SFI1: variants seen among roughly 807,000 people sequenced by gnomAD.
SFI1 encodes the protein protein SFI1 homolog.
A neutral mutation model predicts 207.5 loss-of-function variants in SFI1; 195 were observed. The ratio of observed to expected loss-of-function variants is 0.94; its 90% CI spans 0.84 to 1.06. SFI1 has a LOEUF of 1.06. SFI1 is among the 50% of genes least tolerant of loss of function. The probability of loss-of-function intolerance (pLI) is 0.00; values close to 1 mark genes in which losing one functional copy is unlikely to be tolerated. For missense variants in SFI1, 1,634 were observed against 1,588.0 expected (o/e 1.03, Z -0.49); for synonymous variants, 630 against 598.9 (o/e 1.05, Z -0.76).
At chr22:31,578,328 C>T (rs2146011662) in intron 10 of SFI1, 54 bp from the exon 11 acceptor site, 4 of 1,524,070 alleles carry the variant, frequency 2.6e-6, no homozygotes, top group East Asian at 2.3e-5. Flanking sequence ...GCTGAGAATG[C>T]ACTGTGTAGG....
At chr22:31,608,132 A>T (rs998889424) in intron 22 of SFI1, 99 bp downstream of exon 22, 3 of 873,532 alleles carry the variant, frequency 3.4e-6, no homozygotes, top group Non-Finnish European at 3.6e-6. Context: ...CTCCTCATAC[A>T]TGCCAGTTCC....
At chr22:31,595,186 C>T (rs1255149761) in intron 15 of SFI1, among the ~76,000 whole-genome samples, 6 of 151,600 alleles carry the variant, frequency 4.0e-5, no homozygotes, top group East Asian at 1.9e-4. Flanking sequence ...TTAGTAGGGA[C>T]GGGGTTTCAC....
chr22:31,520,603 A>G (rs2057109094), intron 2 of SFI1, among the ~76,000 whole-genome samples: 1 of 152,058 alleles, frequency 6.6e-6, no homozygotes, highest in Non-Finnish European at 1.5e-5. Flanking sequence ...CCAGAGGGAA[A>G]GTAATATATG....
chr22:31,578,288 C>A, intron 10 of SFI1, 94 bp from the exon 11 acceptor site: 1 of 1,248,064 alleles, frequency 8.0e-7, no homozygotes, highest in Non-Finnish European at 1.1e-6. Context: ...GTGTGTTATC[C>A]CCGATAGCCA....
At chr22:31,530,400 G>T (rs11705049) in intron 3 of SFI1, among the ~76,000 whole-genome samples, 1 of 144,376 alleles carries the variant, frequency 6.9e-6, no homozygotes, top group Non-Finnish European at 1.5e-5. Context: ...TGAGGCAGGA[G>T]AATGGTGTGA....
intron 1 of SFI1, among the ~76,000 whole-genome samples, chr22:31,502,969 C>T (rs2054036320): frequency 6.8e-6 from 1 of 147,736 alleles, no homozygotes; most frequent in African/African-American, 2.5e-5. Flanking sequence ...ACAGAAGAAT[C>T]GCTTGAACCC....
In SFI1 at chr22:31,509,951, C is replaced by T. The variant is rs565266463; in HGVS notation, c.92+1575C>T. Among the ~76,000 whole-genome samples the T allele has an allele frequency of 1.1e-3, 167 of 151,978 alleles. 1 individual carries two copies. Among genetic ancestry groups the T allele is most frequent in the African/African-American group, 3.8e-3 (156 of 41,422 alleles). On this transcript the variant is annotated intron_variant, in intron 2 of 32. Coordinates refer to ENST00000400288, the MANE Select transcript of SFI1 (RefSeq NM_001007467.3). ...TTTATTTATTTTTGACATGGAGTCT[C>T]GCTCTGTTGCCCAGGCTGGAGTGCA...
chr22:31,508,230 C>G (rs1466833775), intron 1 of SFI1, 25 bp from the exon 2 acceptor site: 1 of 1,366,226 alleles, frequency 7.3e-7, no homozygotes. Flanking sequence ...CATTTTCTCT[C>G]TTTTTTATTC....
intron 12 of SFI1, 118 bp downstream of exon 12, chr22:31,580,482 A>T: frequency 8.3e-6 from 5 of 604,324 alleles, no homozygotes; most frequent in Non-Finnish European, 1.4e-5. Context: ...GTGCTTCAAG[A>T]TTTGTCCAGA....
chr22:31,568,225 TA>T (rs201980544), intron 8 of SFI1, among the ~76,000 whole-genome samples: 2,023 of 119,996 alleles, frequency 0.017, 70 homozygotes, highest in East Asian at 0.082. Context: ...TATATATATA[TA>T]TTTTTTTTTT....
At chr22:31,592,896 C>G (rs1252736270) in intron 15 of SFI1, among the ~76,000 whole-genome samples, 28 of 115,122 alleles carry the variant, frequency 2.4e-4, no homozygotes, top group Non-Finnish European at 4.6e-4. Context: ...GCTGGCTGGC[C>G]GGGCTGAGGG....
chr22:31,587,877 G>A (rs555843642), intron 14 of SFI1: 2 of 152,206 alleles, frequency 1.3e-5, no homozygotes, highest in Admixed American at 1.3e-4. Flanking sequence ...ATATAAAGAA[G>A]AAAAAATAAA....
rs541521363 is a variant in SFI1, at chr22:31,546,844, T to C, written c.339-17T>C. ...CCAACATCATCATATATATATATGA[T>C]TTTTTTTTTGCCGTAGATTTTACTA... On this transcript the variant is annotated splice_polypyrimidine_tract_variant and intron_variant, in intron 4 of 32. Transcript: ENST00000400288. The C allele has an allele frequency of 2.5e-5, 25 of 1,001,978 alleles. No individual in the cohort carries two copies. Among genetic ancestry groups the C allele is most frequent in the Non-Finnish European group, 3.5e-5 (25 of 712,180 alleles). The allele number at this position is 1,001,978 out of a possible 1,614,324, so 62.1% of individuals were successfully genotyped here.
chr22:31,615,575 CAG>C (rs1280170268), intron 29 of SFI1: 4 of 333,498 alleles, frequency 1.2e-5, no homozygotes, highest in East Asian at 4.6e-5. Context: ...CTGCAGGCCA[CAG>C]TGAGAAGTAG....
rs768193263 is a variant in SFI1 at position 31,578,387 on chromosome 22, C to A, written c.1090C>A (p.Leu364Met). The A allele has an allele frequency of 6.2e-7, 1 of 1,613,244 alleles. No homozygotes were observed. The highest frequency in any genetic ancestry group is 1.1e-5 in the South Asian group (1 of 90,966). ...RAFTHWKHYM[L>M]LCAEEAAQFE... ...AGGCCTTCACTTCCTGGCAGACATG[C>A]TGCTGTGTGCAGAAGAAGCTGCCCA... Residue 364 changes from leucine (L) to methionine (M), a missense_variant, in exon 11 of 33, where the codon CTG becomes ATG. By Grantham distance (15) the Leu-to-Met change is conservative. Transcript: ENST00000400288.
intron 31 of SFI1, 101 bp downstream of exon 31, chr22:31,617,179 C>G: frequency 7.8e-7 from 1 of 1,284,310 alleles, no homozygotes; most frequent in Non-Finnish European, 1.1e-6. Flanking sequence ...CTGCCAGGGT[C>G]CTGTAGGTGG....
At position 31,608,034 on chromosome 22, in the gene SFI1, G is replaced by T. The variant is rs777543647; in HGVS notation, c.2254+1G>T. The stretch of plus-strand genomic sequence containing the variant: ...GAGGCCCAGAAGGTGCTGGACAGGG[G>T]TAAGTGGGGCCCCAGAAGCAAGTCA... On this transcript the variant is annotated splice_donor_variant, in intron 22 of 32. Transcript: ENST00000400288. LOFTEE classifies it high-confidence loss of function. 8.7e-6 allele frequency: 14 copies of T among 1,613,630 alleles called. No individual in the cohort carries two copies. Among genetic ancestry groups the T allele is most frequent in the East Asian group, 2.2e-5 (1 of 44,884 alleles).
intron 3 of SFI1, 23 bp from the exon 4 acceptor site, chr22:31,531,035 T>C (rs1211891355): frequency 6.3e-7 from 1 of 1,599,116 alleles, no homozygotes; most frequent in Admixed American, 1.7e-5. Context: ...AAAATATGTA[T>C]ATGCTTTTTT....
Position 31,561,314 on chromosome 22 carries a change from G to A in SFI1, c.687G>A (p.Gln229=), listed in dbSNP as rs1389567863. 6.2e-7 allele frequency: 1 copy of A among 1,613,932 alleles called. No homozygotes were observed. Among genetic ancestry groups the A allele is most frequent in the Non-Finnish European group, 8.5e-7 (1 of 1,179,968 alleles). ...GGGTGTGGTGGAGCACGTGGAGGCAGCGACTAGGACAGGTCCGTGTGAGCC... is the reference window on the plus strand; with the variant it reads ...GGGTGTGGTGGAGCACGTGGAGGCAACGACTAGGACAGGTCCGTGTGAGCC... ...ILRVWWSTWR[Q]RLGQVRVSRA... Residue 229 remains glutamine, a synonymous_variant, in exon 8 of 33, where the codon CAG becomes CAA. Transcript: ENST00000400288.
Sources: gnomAD v4.1 joint callset for allele counts (sites outside exome capture counted in the v4.1 genomes callset) on GRCh38, gnomAD v4.1.1 for gene constraint, MANE v1.5 for transcripts, NCBI Gene and HGNC (gene_info 2026-07-23, HGNC 2026-07-21) for gene names.